The following AGMO variants were observed in gnomAD, a reference collection of about 807,000 sequenced individuals.
AGMO encodes the protein alkylglycerol monooxygenase.
Under a neutral mutation model 60.2 loss-of-function variants are expected in AGMO, and 75 were observed. The ratio of observed to expected loss-of-function variants is 1.25; its 90% CI spans 1.03 to 1.51. The LOEUF (loss-of-function observed/expected upper bound fraction) is 1.51, where lower values mean the gene tolerates loss of function less well. Ranked by LOEUF, AGMO falls within the 40% of genes most tolerant of loss-of-function variation. The probability of loss-of-function intolerance (pLI) is 0.00; values close to 1 mark genes in which losing one functional copy is unlikely to be tolerated. For synonymous variants in AGMO, 261 were observed against 177.1 expected (o/e 1.47, Z -3.76); for missense variants, 763 against 525.5 (o/e 1.45, Z -4.42).
Position 15,247,459 on chromosome 7 carries a change from C to CAGAG in AGMO, c.1264-46104_1264-46101dup, listed in dbSNP as rs35939832. Among the ~76,000 whole-genome samples, 309 of 115,260 alleles carry CAGAG rather than the reference C, an allele frequency of 2.7e-3. 1 individual carries two copies. Among genetic ancestry groups the CAGAG allele is most frequent in the Non-Finnish European group, 3.6e-3 (206 of 57,420 alleles). The allele number at this position is 115,260 out of a possible 152,430, so 75.6% of individuals were successfully genotyped here. ...ACACACACACACACACACACACACA[C>CAGAG]AGAGAGAGAGAGAGAGAGAGGGAGA... On this transcript the variant is annotated intron_variant, in intron 12 of 12. Coordinates refer to ENST00000342526, the MANE Select transcript of AGMO (RefSeq NM_001004320.2).
chr7:15,408,101 A>G (rs1784752753), intron 5 of AGMO, among the ~76,000 whole-genome samples: 2 of 151,890 alleles, frequency 1.3e-5, no homozygotes, highest in Non-Finnish European at 2.9e-5. Flanking sequence ...GTTATCACAG[A>G]GAGAACATGT....
chr7:15,270,401 G>A (rs776583626), intron 12 of AGMO, among the ~76,000 whole-genome samples: 1 of 151,816 alleles, frequency 6.6e-6, no homozygotes, highest in African/African-American at 2.4e-5. Context: ...TCATATGTTT[G>A]TTGGCCACTT....
At chr7:15,375,332 G>GAAAAGATGTT (rs1783406466) in intron 10 of AGMO, among the ~76,000 whole-genome samples, 1 of 149,572 alleles carries the variant, frequency 6.7e-6, no homozygotes, top group Admixed American at 6.7e-5. Flanking sequence ...ATACAGAAGA[G>GAAAAGATGTT]AAAAGATGTT....
chr7:15,179,452 T>C, the AGMO span, among the ~76,000 whole-genome samples: 1 of 152,174 alleles, frequency 6.6e-6, no homozygotes, highest in East Asian at 1.9e-4. Context: ...ATGACTTGTC[T>C]CAAGTAAGTA....
chr7:15,458,229 A>C (rs1782047418), intron 3 of AGMO, among the ~76,000 whole-genome samples: 2 of 152,178 alleles, frequency 1.3e-5, no homozygotes, highest in Admixed American at 6.5e-5. Flanking sequence ...CCAAGGAAAA[A>C]CCAGAACAAA....
chr7:15,396,340 C>T (rs1290503395), intron 5 of AGMO: 1 of 152,180 alleles, frequency 6.6e-6, no homozygotes, highest in African/African-American at 2.4e-5. Flanking sequence ...TCGCTGGCTT[C>T]AGGAGTATAG....
intron 8 of AGMO, 74 bp downstream of exon 8, chr7:15,390,597 A>G: frequency 8.3e-7 from 1 of 1,208,330 alleles, no homozygotes; most frequent in Non-Finnish European, 1.2e-6. Flanking sequence ...ACTTTTCTAC[A>G]GCTGATTTTT....
chr7:15,539,817 A>G (rs1784575822), intron 3 of AGMO, among the ~76,000 whole-genome samples: 1 of 152,092 alleles, frequency 6.6e-6, no homozygotes, highest in African/African-American at 2.4e-5. Flanking sequence ...TTGACTTTTT[A>G]ATAATAGTCA....
intron 12 of AGMO, among the ~76,000 whole-genome samples, chr7:15,339,839 A>G (rs180857101): frequency 7.0e-4 from 107 of 152,328 alleles, no homozygotes; most frequent in Admixed American, 1.2e-3. Context: ...AATTTTTTAA[A>G]TCAAGTATCA....
chr7:15,308,892 G>T (rs763525714), intron 12 of AGMO, among the ~76,000 whole-genome samples: 3 of 152,126 alleles, frequency 2.0e-5, no homozygotes, highest in Non-Finnish European at 4.4e-5. Context: ...TGGTAAAACA[G>T]ATTCAATCCA....
chr7:15,404,867 C>T (rs754084389), intron 5 of AGMO, among the ~76,000 whole-genome samples: 26 of 151,832 alleles, frequency 1.7e-4, no homozygotes, highest in Non-Finnish European at 3.2e-4. Context: ...GTAAACAAAG[C>T]AAATACGAAT....
At chr7:15,554,537 C>T (rs1785071913) in intron 2 of AGMO, among the ~76,000 whole-genome samples, 1 of 152,022 alleles carries the variant, frequency 6.6e-6, no homozygotes, top group Non-Finnish European at 1.5e-5. Flanking sequence ...CAGCAGTTTT[C>T]TCTTGGGTCT....
intron 3 of AGMO, among the ~76,000 whole-genome samples, chr7:15,489,897 T>A (rs974737016): frequency 6.6e-6 from 1 of 152,180 alleles, no homozygotes; most frequent in African/African-American, 2.4e-5. Flanking sequence ...GAATCATGAG[T>A]AAACAGCCTC....
intron 12 of AGMO, among the ~76,000 whole-genome samples, chr7:15,322,861 T>C (rs775927616): frequency 6.9e-6 from 1 of 145,068 alleles, no homozygotes; most frequent in African/African-American, 2.5e-5. Flanking sequence ...ATGTGACACA[T>C]AACACAAAAT....
intron 12 of AGMO, among the ~76,000 whole-genome samples, chr7:15,341,846 G>A (rs1402111026): frequency 6.6e-6 from 1 of 152,074 alleles, no homozygotes; most frequent in African/African-American, 2.4e-5. Context: ...GGTGTGTGCA[G>A]GGGAACTGAC....
chr7:15,375,797 TAC>T (rs1324877366), intron 10 of AGMO, among the ~76,000 whole-genome samples: 3 of 152,124 alleles, frequency 2.0e-5, no homozygotes, highest in Non-Finnish European at 4.4e-5. Context: ...AATTTTTACA[TAC>T]ACTTAACAAA....
intron 12 of AGMO, among the ~76,000 whole-genome samples, chr7:15,275,672 T>C (rs982832401): frequency 2.6e-5 from 4 of 152,162 alleles, no homozygotes; most frequent in African/African-American, 9.7e-5. Context: ...TGTGTTGCTA[T>C]GTTTTCTTAG....
chr7:15,140,475 T>C, the AGMO span, among the ~76,000 whole-genome samples: 1 of 152,204 alleles, frequency 6.6e-6, no homozygotes, highest in Non-Finnish European at 1.5e-5. Flanking sequence ...ATGTTTCTTC[T>C]CTATCATTTT....
intron 12 of AGMO, among the ~76,000 whole-genome samples, chr7:15,296,265 T>TA (rs1430218826): frequency 1.3e-5 from 2 of 152,060 alleles, no homozygotes; most frequent in Admixed American, 1.3e-4. Context: ...TCTGCAAAAA[T>TA]AGACTTCTAC....
Sources: allele counts gnomAD v4.1 joint callset (sites outside exome capture counted in the v4.1 genomes callset), GRCh38; gene constraint gnomAD v4.1.1; transcripts MANE v1.5; gene names NCBI Gene and HGNC (gene_info 2026-07-23, HGNC 2026-07-21).